Variants in NECTIN3 observed in about 807,000 individuals in gnomAD.
The protein encoded by NECTIN3 is nectin-3.
Under a neutral mutation model 49.4 loss-of-function variants are expected in NECTIN3, and 8 were observed. The ratio of observed to expected loss-of-function variants is 0.16; its 90% CI spans 0.10 to 0.29. NECTIN3 has a LOEUF of 0.29. NECTIN3 is among the 10% of genes least tolerant of loss of function. NECTIN3 has a pLI of 1.00. For synonymous variants in NECTIN3, 277 were observed against 241.1 expected, an observed-to-expected ratio of 1.15 and a Z score of -1.38; for missense variants, 581 against 654.6, an observed-to-expected ratio of 0.89 and a Z score of 1.23.
rs2033818771 is a variant in NECTIN3, at chr3:111,118,761, A to T, written c.608A>T (p.His203Leu). ...GCAGCCACTGGAAAACCCGTTGCAC[A>T]TATTGACTGGGAAGGTGATCTTGGT... The part of the protein sequence containing the change: ...CIAATGKPVA[H>L]IDWEGDLGEM... The change falls in exon 3 of 6, where the codon CAT becomes CTT. Residue 203 changes from histidine (H) to leucine (L), a missense_variant. This residue lies in a region of NECTIN3 where 234 missense variants were observed against 340.6 expected (regional missense o/e 0.69). Transcript: ENST00000485303. The T allele has an allele frequency of 6.2e-7, 1 of 1,614,074 alleles. No homozygotes were observed. Among genetic ancestry groups the T allele is most frequent in the South Asian group, 1.1e-5 (1 of 91,094 alleles).
chr3:111,107,151 A>G (rs574333189), intron 1 of NECTIN3, among the ~76,000 whole-genome samples: 5 of 152,186 alleles, frequency 3.3e-5, no homozygotes, highest in African/African-American at 1.2e-4. Context: ...TAGTAGTTAT[A>G]TACGTCATTA....
intron 1 of NECTIN3, among the ~76,000 whole-genome samples, chr3:111,103,151 A>G (rs924414587): frequency 6.6e-6 from 1 of 152,128 alleles, no homozygotes; most frequent in Admixed American, 6.5e-5. Flanking sequence ...CTCCGTATAC[A>G]TTTGAGAATC....
chr3:111,154,025 A>G (rs1416892038), intron 7 of NECTIN3, among the ~76,000 whole-genome samples: 1 of 152,170 alleles, frequency 6.6e-6, no homozygotes, highest in Non-Finnish European at 1.5e-5. Context: ...AACTGCACAT[A>G]TTAAGAATGT....
At chr3:111,129,838 C>G (rs2107486476) in intron 5 of NECTIN3, among the ~76,000 whole-genome samples, 1 of 151,750 alleles carries the variant, frequency 6.6e-6, no homozygotes, top group South Asian at 2.1e-4. Flanking sequence ...TTAGAAGAGA[C>G]AGGGTTTCAC....
At chr3:111,083,283 G>T (rs1284854737) in intron 1 of NECTIN3, among the ~76,000 whole-genome samples, 1 of 152,196 alleles carries the variant, frequency 6.6e-6, no homozygotes, top group Non-Finnish European at 1.5e-5. Context: ...TATGTCAGTT[G>T]TTATGGACTG....
intron 1 of NECTIN3, among the ~76,000 whole-genome samples, chr3:111,100,142 G>T (rs910796592): frequency 1.3e-5 from 2 of 151,990 alleles, no homozygotes; most frequent in East Asian, 3.9e-4. Flanking sequence ...ATTGTTTAGA[G>T]GTGCTTCCTT....
chr3:111,188,626 A>C (rs897363623), upstream of NECTIN3, among the ~76,000 whole-genome samples: 1 of 152,212 alleles, frequency 6.6e-6, no homozygotes, highest in African/African-American at 2.4e-5. Flanking sequence ...ATGGCTCTTT[A>C]AAATCTGTTT....
chr3:111,083,423 T>A (rs887462963), intron 1 of NECTIN3, among the ~76,000 whole-genome samples: 3 of 152,068 alleles, frequency 2.0e-5, no homozygotes, highest in Non-Finnish European at 2.9e-5. Context: ...TAGAGCCTCA[T>A]GATGTGATTA....
intron 1 of NECTIN3, among the ~76,000 whole-genome samples, chr3:111,111,564 T>C (rs1419243045): frequency 2.6e-5 from 4 of 152,076 alleles, no homozygotes; most frequent in African/African-American, 9.7e-5. Flanking sequence ...TAAAACAATA[T>C]CCATTTATTA....
chr3:111,099,270 C>T (rs2032766397), intron 1 of NECTIN3, among the ~76,000 whole-genome samples: 1 of 152,146 alleles, frequency 6.6e-6, no homozygotes, highest in South Asian at 2.1e-4. Context: ...TCCTAAGTAT[C>T]TTTTTAAGTT....
At chr3:111,145,382 T>G (rs2034848545) in intron 6 of NECTIN3, among the ~76,000 whole-genome samples, 1 of 152,204 alleles carries the variant, frequency 6.6e-6, no homozygotes, top group African/African-American at 2.4e-5. Flanking sequence ...AAAAATATCT[T>G]TGAAGTTTTA....
At chr3:111,098,016 T>C (rs889857739) in intron 1 of NECTIN3, among the ~76,000 whole-genome samples, 1 of 152,210 alleles carries the variant, frequency 6.6e-6, no homozygotes, top group African/African-American at 2.4e-5. Flanking sequence ...TGGAGATCAA[T>C]TTGAAAACCA....
Position 111,135,000 on chromosome 3 carries a change from T to C in NECTIN3, c.*785T>C. ...GTTTTTTTTTTTCCTTTCTGGAACA[T>C]GGATTTTGGTACATTAGCAGTAGCC... On this transcript the variant is annotated 3_prime_UTR_variant, in exon 6 of 6. Transcript: ENST00000485303. 1 of 978,062 alleles carries C rather than the reference T, an allele frequency of 1.0e-6. No homozygotes were observed. Among genetic ancestry groups the C allele is most frequent in the South Asian group, 4.7e-5 (1 of 21,122 alleles). 60.6% of individuals were successfully genotyped at this position (978,062 alleles called of 1,614,324 possible).
At chr3:111,147,369 G>A in intron 6 of NECTIN3, 1 of 1,162,988 alleles carries the variant, frequency 8.6e-7, no homozygotes, top group Non-Finnish European at 1.2e-6. Flanking sequence ...TTTCCTAAAT[G>A]TGACAATCAC....
chr3:111,131,104 AAAAT>A (rs1231791272), intron 5 of NECTIN3, among the ~76,000 whole-genome samples: 1 of 152,032 alleles, frequency 6.6e-6, no homozygotes, highest in Non-Finnish European at 1.5e-5. Context: ...GTCTAAAAGA[AAAAT>A]AAGCCAATTA....
Position 111,133,945 on chromosome 3 carries a change from A to G in NECTIN3, c.1380A>G (p.Gln460=), listed in dbSNP as rs1030800044. The change falls in exon 6 of 6, where the codon CAA becomes CAG. Residue 460 remains glutamine, a synonymous_variant. Transcript: ENST00000485303. Reference sequence around the variant, plus strand: ...AATCACAAATAGATGTTCTTCAACAAGATGAGCTTGATTCTTACCCAGACA... The same window carrying G: ...AATCACAAATAGATGTTCTTCAACAGGATGAGCTTGATTCTTACCCAGACA... ...QKESQIDVLQ[Q]DELDSYPDSV... 8 of 1,613,804 alleles carry G rather than the reference A, an allele frequency of 5.0e-6. No homozygotes were observed. In the African/African-American group the frequency reaches 8.0e-5, roughly 16 times the overall value.
intron 1 of NECTIN3, among the ~76,000 whole-genome samples, chr3:111,083,249 GA>G (rs2031734334): frequency 6.6e-6 from 1 of 152,240 alleles, no homozygotes; most frequent in East Asian, 1.9e-4. Context: ...AGAGAAAAAA[GA>G]GTAATTTGTG....
chr3:111,080,171 TAAG>T (rs2031499466), intron 1 of NECTIN3, among the ~76,000 whole-genome samples: 1 of 152,134 alleles, frequency 6.6e-6, no homozygotes, highest in Non-Finnish European at 1.5e-5. Flanking sequence ...AAAATAAAAT[TAAG>T]AAATTATGTT....
intron 7 of NECTIN3, among the ~76,000 whole-genome samples, chr3:111,176,839 A>G (rs780401881): frequency 2.6e-5 from 4 of 152,084 alleles, no homozygotes; most frequent in Non-Finnish European, 2.9e-5. Context: ...CTACATTTCT[A>G]TTACACCCTC....
Sources: gnomAD v4.1 joint callset for allele counts (sites outside exome capture counted in the v4.1 genomes callset) on GRCh38, gnomAD v4.1.1 for gene constraint, gnomAD v4.1.1 regional missense constraint, MANE v1.5 for transcripts, NCBI Gene and HGNC (gene_info 2026-07-23, HGNC 2026-07-21) for gene names.